The following TCF12 variants were observed in gnomAD, a reference collection of about 807,000 sequenced individuals.
The protein encoded by TCF12 is DNA-binding protein HTF4.
Under a neutral mutation model 86.0 loss-of-function variants are expected in TCF12, and 45 were observed. The observed-to-expected ratio is 0.52, with a 90% CI of 0.41 to 0.67. TCF12 has a LOEUF of 0.67. Among genes scored for constraint, TCF12 ranks in the 30% least tolerant of loss-of-function variants. The probability of loss-of-function intolerance (pLI) is 0.00; values close to 1 mark genes in which losing one functional copy is unlikely to be tolerated. For missense variants in TCF12, 881 were observed against 859.9 expected (o/e 1.02, Z -0.31); for synonymous variants, 330 against 299.6 (o/e 1.10, Z -1.05).
At chr15:57,128,285 C>A (rs1238993525) in intron 5 of TCF12, among the ~76,000 whole-genome samples, 2 of 152,082 alleles carry the variant, frequency 1.3e-5, no homozygotes, top group African/African-American at 4.8e-5. Flanking sequence ...CTTTATTAAG[C>A]TCTCAAGTTA....
rs1388382721 is a variant in TCF12, at chr15:57,286,754, GA to G, written c.*613del. The G allele has an allele frequency of 2.4e-6, 1 of 424,806 alleles. No individual in the cohort carries two copies. The highest frequency in any genetic ancestry group is 4.7e-6 in the Non-Finnish European group (1 of 214,750). The allele number at this position is 424,806 out of a possible 1,614,324, so 26.3% of individuals were successfully genotyped here. ...ATGAATAGCGTTTTCCATGAAATAG[GA>G]AAATATTACTTGGTATAGCATTTCT... On this transcript the variant is annotated 3_prime_UTR_variant, in exon 21 of 21. Coordinates refer to ENST00000333725, the MANE Select transcript of TCF12 (RefSeq NM_207037.2).
At chr15:57,271,351 C>T (rs1480189279) in intron 18 of TCF12, among the ~76,000 whole-genome samples, 20 of 152,222 alleles carry the variant, frequency 1.3e-4, no homozygotes, top group East Asian at 5.8e-4. Flanking sequence ...CAGACTGCTG[C>T]GCTAGCAGCA....
At position 56,985,855 on chromosome 15, in the gene TCF12, A is replaced by G. The variant is rs2063154432; in HGVS notation, c.148+64757A>G. Reference sequence around the variant, plus strand: ...ATTTATTTCCTGCAAATTTTCTTAGATGATAGAAGTTATACGTAGTAAAAC... The same window carrying G: ...ATTTATTTCCTGCAAATTTTCTTAGGTGATAGAAGTTATACGTAGTAAAAC... On this transcript the variant is annotated intron_variant, in intron 3 of 20. Coordinates refer to ENST00000333725, the MANE Select transcript of TCF12 (RefSeq NM_207037.2). Among the ~76,000 whole-genome samples, 3 of 152,258 alleles carry G rather than the reference A, an allele frequency of 2.0e-5. No individual in the cohort carries two copies. The South Asian group carries it at 6.2e-4, about 32-fold the overall frequency.
At chr15:57,235,060 C>G (rs1384230499) in intron 12 of TCF12, among the ~76,000 whole-genome samples, 1 of 152,148 alleles carries the variant, frequency 6.6e-6, no homozygotes, top group African/African-American at 2.4e-5. Flanking sequence ...AAATTTTTCT[C>G]TACAGCTGAA....
At chr15:57,101,367 A>T (rs886447697) in intron 5 of TCF12, among the ~76,000 whole-genome samples, 1 of 152,042 alleles carries the variant, frequency 6.6e-6, no homozygotes, top group Non-Finnish European at 1.5e-5. Context: ...ACCACACCCA[A>T]CTAATTTTTA....
At chr15:57,206,142 A>G (rs1271977114) in intron 8 of TCF12, among the ~76,000 whole-genome samples, 5 of 152,224 alleles carry the variant, frequency 3.3e-5, no homozygotes, top group African/African-American at 1.2e-4. Context: ...TGAATTATGT[A>G]AATGCCTTAG....
chr15:57,194,264 AG>A (rs1566895756), intron 7 of TCF12, among the ~76,000 whole-genome samples: 1 of 152,128 alleles, frequency 6.6e-6, no homozygotes, highest in Non-Finnish European at 1.5e-5. Context: ...CTTCCATGCC[AG>A]GGGCATTGCT....
intron 4 of TCF12, among the ~76,000 whole-genome samples, chr15:57,091,317 T>C (rs903987765): frequency 1.3e-5 from 2 of 152,188 alleles, no homozygotes; most frequent in Admixed American, 6.5e-5. Context: ...TAACGCTTTA[T>C]TTTTAGGGTC....
intron 5 of TCF12, among the ~76,000 whole-genome samples, chr15:57,123,968 C>CAAAAAAAAA (rs71113066): frequency 1.2e-5 from 1 of 81,074 alleles, no homozygotes; most frequent in Non-Finnish European, 2.5e-5. Flanking sequence ...GACTCCGTCT[C>CAAAAAAAAA]AAAAAAAAAA....
In TCF12 at chr15:56,984,932, G is replaced by T. The variant is rs116226669; in HGVS notation, c.148+63834G>T. 7.4e-3 allele frequency among the ~76,000 whole-genome samples: 1,126 copies of T among 152,178 alleles called. 15 individuals are homozygous for T. The highest frequency in any genetic ancestry group is 0.026 in the African/African-American group (1,075 of 41,516). On this transcript the variant is annotated intron_variant, in intron 3 of 20. Coordinates refer to ENST00000333725, the MANE Select transcript of TCF12 (RefSeq NM_207037.2). ...CTAAGACACCGTGAAAAATACTGAG[G>T]CTGTAATGTTGCTTAACCATCTAAG...
intron 18 of TCF12, among the ~76,000 whole-genome samples, chr15:57,268,133 C>G (rs1429886187): frequency 6.6e-6 from 1 of 152,166 alleles, no homozygotes; most frequent in Non-Finnish European, 1.5e-5. Context: ...GGTTCTCAAC[C>G]CTGCTGCCCA....
In TCF12 at chr15:56,919,941, G is replaced by A. The variant is rs781545176; in HGVS notation, c.28G>A (p.Ala10Thr). The A allele has an allele frequency of 1.2e-6, 2 of 1,613,956 alleles. No individual in the cohort carries two copies. Among genetic ancestry groups the A allele is most frequent in the African/African-American group, 1.3e-5 (1 of 74,898 alleles). Residue 10 changes from alanine (A) to threonine (T), a missense_variant, in exon 2 of 21, where the codon GCT becomes ACT. By Grantham distance (58) the Ala-to-Thr change is moderately conservative (BLOSUM62 0). This residue lies in a region of TCF12 where 766 missense variants were observed against 718.9 expected (regional missense o/e 1.07). Transcript: ENST00000333725. The part of the protein sequence containing the change: MNPQQQRMA[A>T]IGTDKELSDL... Reference sequence around the variant, plus strand: ...GAATCCCCAGCAACAACGCATGGCCGCTATAGGGACCGACAAGGAGCTGAG... The same window carrying A: ...GAATCCCCAGCAACAACGCATGGCCACTATAGGGACCGACAAGGAGCTGAG...
chr15:57,264,945 G>C (rs562933499), intron 18 of TCF12, among the ~76,000 whole-genome samples: 1 of 151,994 alleles, frequency 6.6e-6, no homozygotes, highest in East Asian at 1.9e-4. Context: ...GGCCAGGCTG[G>C]TCTCGAACTC....
At chr15:57,044,878 G>A (rs1295003806) in intron 3 of TCF12, among the ~76,000 whole-genome samples, 3 of 152,124 alleles carry the variant, frequency 2.0e-5, no homozygotes, top group Non-Finnish European at 4.4e-5. Context: ...GTTTTATTGA[G>A]TTTAACTTGC....
At chr15:57,220,015 C>A (rs556090888) in intron 8 of TCF12, among the ~76,000 whole-genome samples, 1 of 152,038 alleles carries the variant, frequency 6.6e-6, no homozygotes, top group Non-Finnish European at 1.5e-5. Flanking sequence ...CATGAGCCAC[C>A]GCGCCCAGCC....
chr15:57,092,793 A>G (rs2049073774), intron 5 of TCF12, among the ~76,000 whole-genome samples: 2 of 152,144 alleles, frequency 1.3e-5, no homozygotes, highest in South Asian at 4.1e-4. Context: ...TGTAATTGAC[A>G]TTGATTTCAT....
chr15:57,161,991 G>T (rs1276410134), intron 5 of TCF12, among the ~76,000 whole-genome samples: 4 of 152,060 alleles, frequency 2.6e-5, no homozygotes, highest in African/African-American at 9.7e-5. Flanking sequence ...GTGATTCTGA[G>T]AAGTCCGCCC....
At chr15:56,940,858 G>A (rs2060734687) in intron 3 of TCF12, among the ~76,000 whole-genome samples, 1 of 150,864 alleles carries the variant, frequency 6.6e-6, no homozygotes, top group African/African-American at 2.4e-5. Flanking sequence ...TGAACTCAAG[G>A]GATTTGCCTG....
chr15:57,040,662 A>G (rs1437207374), intron 3 of TCF12, among the ~76,000 whole-genome samples: 2 of 152,238 alleles, frequency 1.3e-5, no homozygotes, highest in African/African-American at 4.8e-5. Flanking sequence ...TTGAAGAGAC[A>G]TGAGCTCTCA....
Sources: gnomAD v4.1 joint callset for allele counts (sites outside exome capture counted in the v4.1 genomes callset) on GRCh38, gnomAD v4.1.1 for gene constraint, gnomAD v4.1.1 regional missense constraint, MANE v1.5 for transcripts, NCBI Gene and HGNC (gene_info 2026-07-23, HGNC 2026-07-21) for gene names.